GLOD4: variants seen among roughly 807,000 people sequenced by gnomAD.
GLOD4 encodes the protein glyoxalase domain-containing protein 4.
A neutral mutation model predicts 39.1 loss-of-function variants in GLOD4; 44 were observed. The ratio of observed to expected loss-of-function variants is 1.13; its 90% CI spans 0.88 to 1.45. The LOEUF is 1.45. Among genes scored for constraint, GLOD4 ranks in the 40% most tolerant of loss-of-function variants. The pLI is 0.00. For missense variants in GLOD4, 405 were observed against 366.4 expected, an observed-to-expected ratio of 1.11 and a Z score of -0.86; for synonymous variants, 145 against 135.0, an observed-to-expected ratio of 1.07 and a Z score of -0.52.
At position 769,424 on chromosome 17, in the gene GLOD4, G is replaced by A. The variant is rs566420121; in HGVS notation, c.831+445C>T. ...GGTCGGATGGAGGCATCTCCCTGGC[G>A]AGAGCTGAGGGGAACGGATAGAGGC... On this transcript the variant is annotated intron_variant, in intron 8 of 8. Transcript: ENST00000301329. Among the ~76,000 whole-genome samples the A allele has an allele frequency of 1.7e-4, 25 of 150,106 alleles. No homozygotes were observed. In the South Asian group the frequency reaches 4.1e-3, roughly 24 times the overall value.
At chr17:767,455 AGT>A (rs1906787103) in intron 8 of GLOD4, among the ~76,000 whole-genome samples, 1 of 152,260 alleles carries the variant, frequency 6.6e-6, no homozygotes, top group African/African-American at 2.4e-5. Flanking sequence ...AAAGAGAAAC[AGT>A]GCACACTCAG....
At chr17:768,627 G>A (rs56692608) in intron 8 of GLOD4, among the ~76,000 whole-genome samples, 51 of 124,260 alleles carry the variant, frequency 4.1e-4, no homozygotes, top group African/African-American at 1.3e-3. Context: ...GAAACAGCGC[G>A]CACTCAGATT....
intron 4 of GLOD4, among the ~76,000 whole-genome samples, chr17:774,328 G>A (rs370336696): frequency 6.6e-6 from 1 of 152,212 alleles, no homozygotes; most frequent in African/African-American, 2.4e-5. Flanking sequence ...TGAAGAAGGA[G>A]AATTTCCAGG....
intron 1 of GLOD4, among the ~76,000 whole-genome samples, chr17:780,143 G>A (rs559446750): frequency 1.5e-4 from 23 of 152,008 alleles, no homozygotes; most frequent in Middle Eastern, 3.4e-3. Flanking sequence ...CAGCCTGGGC[G>A]AAAGAGCGAG....
intron 1 of GLOD4, among the ~76,000 whole-genome samples, chr17:779,314 C>CA (rs764383840): frequency 0.024 from 1,751 of 74,100 alleles, 30 homozygotes; most frequent in East Asian, 0.065. Context: ...AATTCCATCT[C>CA]AAATTAAAAA....
intron 4 of GLOD4, among the ~76,000 whole-genome samples, chr17:775,492 G>C (rs191909348): frequency 2.9e-4 from 44 of 152,286 alleles, no homozygotes; most frequent in African/African-American, 1.1e-3. Context: ...TGAGCTAAAA[G>C]ATTCTATAAC....
chr17:767,284 A>G (rs1906749345), intron 8 of GLOD4, among the ~76,000 whole-genome samples: 1 of 152,254 alleles, frequency 6.6e-6, no homozygotes, highest in Non-Finnish European at 1.5e-5. Flanking sequence ...CATGCCAGGT[A>G]TGTGCTAGGA....
chr17:769,641 G>A (rs577378095), intron 8 of GLOD4, among the ~76,000 whole-genome samples: 245 of 152,248 alleles, frequency 1.6e-3, no homozygotes, highest in African/African-American at 5.2e-3. Flanking sequence ...CACCAGCAGT[G>A]GTTCCAGGGC....
chr17:775,106 T>TAA (rs60310367), intron 4 of GLOD4, among the ~76,000 whole-genome samples: 17 of 87,290 alleles, frequency 1.9e-4, no homozygotes, highest in East Asian at 1.5e-3. Flanking sequence ...ATAAAAATAC[T>TAA]AAAAAAAAAA....
chr17:785,755 C>A (rs947205314), upstream of GLOD4, among the ~76,000 whole-genome samples: 3 of 152,186 alleles, frequency 2.0e-5, no homozygotes, highest in Non-Finnish European at 2.9e-5. Flanking sequence ...AATTCATATT[C>A]TTTTTCCTAG....
upstream of GLOD4, among the ~76,000 whole-genome samples, chr17:785,638 CA>C (rs1910496117): frequency 1.3e-5 from 2 of 152,240 alleles, no homozygotes; most frequent in Admixed American, 1.3e-4. Flanking sequence ...CTCAAGCGTT[CA>C]CTGCACCTAC....
chr17:759,915 AAC>A lies in GLOD4; in HGVS notation c.*256_*257del. 2 of 446,064 alleles carry A rather than the reference AAC, an allele frequency of 4.5e-6. No homozygotes were observed. The highest frequency in any genetic ancestry group is 8.0e-6 in the Non-Finnish European group (2 of 250,756). The allele number at this position is 446,064 out of a possible 1,614,324, so 27.6% of individuals were successfully genotyped here. A position where few individuals can be genotyped will look rare whatever the true frequency, so the allele number is the denominator to read the frequency against. On this transcript the variant is annotated 3_prime_UTR_variant, in exon 9 of 9. Transcript: ENST00000301329. ...CTGGACAATCATCTGTCACTCATCCAACACAGTTATATACAGAATGCGCAGTC... is the reference window on the plus strand; with the variant it reads ...CTGGACAATCATCTGTCACTCATCCAACAGTTATATACAGAATGCGCAGTC...
At chr17:766,094 T>C (rs558848572) in intron 8 of GLOD4, among the ~76,000 whole-genome samples, 2 of 146,614 alleles carry the variant, frequency 1.4e-5, no homozygotes, top group African/African-American at 5.1e-5. Flanking sequence ...CCCAGGAAGT[T>C]TGAAACCAGC....
chr17:768,885 T>C (rs71357113), intron 8 of GLOD4, among the ~76,000 whole-genome samples: 1,417 of 66,472 alleles, frequency 0.021, no homozygotes, highest in Middle Eastern at 0.038. Context: ...CTGGAGAGGA[T>C]GTGAGAGAGA....
chr17:773,314 A>G (rs1908310570), intron 4 of GLOD4, among the ~76,000 whole-genome samples: 1 of 152,214 alleles, frequency 6.6e-6, no homozygotes, highest in Admixed American at 6.5e-5. Context: ...TGTTGCTTAG[A>G]ACAATAAAAC....
At chr17:774,843 CG>C (rs953817118) in intron 4 of GLOD4, among the ~76,000 whole-genome samples, 5 of 151,670 alleles carry the variant, frequency 3.3e-5, no homozygotes, top group African/African-American at 1.2e-4. Context: ...CTGAGGCAGG[CG>C]GATCAAGTGA....
At chr17:783,177 G>A (rs1910279038), upstream of GLOD4, 1 of 1,613,980 alleles carries the variant, frequency 6.2e-7, no homozygotes, top group Non-Finnish European at 8.5e-7. Flanking sequence ...CGCTCTCAAG[G>A]CTGGAGCTGT....
At chr17:781,427 C>G (rs906436127) in intron 1 of GLOD4, among the ~76,000 whole-genome samples, 5 of 152,202 alleles carry the variant, frequency 3.3e-5, no homozygotes, top group African/African-American at 1.2e-4. Flanking sequence ...GTCATTTGCA[C>G]CTTTGTTGCC....
intron 8 of GLOD4, chr17:764,399 T>C (rs749764321): frequency 2.6e-5 from 4 of 152,362 alleles, no homozygotes; most frequent in Middle Eastern, 3.4e-3. Flanking sequence ...GGTGAGAATG[T>C]AGACCTACTG....
Sources: allele counts gnomAD v4.1 joint callset (sites outside exome capture counted in the v4.1 genomes callset), GRCh38; gene constraint gnomAD v4.1.1; transcripts MANE v1.5; gene names NCBI Gene and HGNC (gene_info 2026-07-23, HGNC 2026-07-21).